Variants in COPE observed in about 807,000 individuals in gnomAD.
COPE encodes coatomer subunit epsilon.
In COPE, 19 loss-of-function variants were observed where a neutral mutation model predicts 42.1. That is an observed-to-expected ratio of 0.45 (90% CI 0.31 to 0.66). The LOEUF (loss-of-function observed/expected upper bound fraction) is 0.66, where lower values mean the gene tolerates loss of function less well. Among genes scored for constraint, COPE ranks in the 30% least tolerant of loss-of-function variants. The pLI, the probability that COPE is intolerant of heterozygous loss-of-function variation, is 0.05. For synonymous variants in COPE, 195 were observed against 181.3 expected, an observed-to-expected ratio of 1.08 and a Z score of -0.60; for missense variants, 402 against 416.1, an observed-to-expected ratio of 0.97 and a Z score of 0.30.
chr19:18,904,530 C>T (rs944740829), intron 6 of COPE, among the ~76,000 whole-genome samples: 1 of 152,262 alleles, frequency 6.6e-6, no homozygotes, highest in East Asian at 1.9e-4. Flanking sequence ...ACCCCTGTGC[C>T]TCAGGCTCAG....
chr19:18,899,803 T>C (rs1016547540), intron 9 of COPE, 70 bp downstream of exon 9: 15 of 1,608,316 alleles, frequency 9.3e-6, no homozygotes, highest in Non-Finnish European at 1.2e-5. Context: ...AGAGGGCGCA[T>C]GTGAGCCCAG....
chr19:18,911,191 G>T, intron 2 of COPE, 120 bp from the exon 3 acceptor site: 1 of 832,234 alleles, frequency 1.2e-6, no homozygotes, highest in Non-Finnish European at 2.0e-6. Context: ...CCTCAGCCCA[G>T]CATGGGCCAC....
intron 6 of COPE, among the ~76,000 whole-genome samples, chr19:18,904,456 C>T (rs551626791): frequency 2.6e-5 from 4 of 152,222 alleles, no homozygotes; most frequent in Admixed American, 2.6e-4. Flanking sequence ...AAAGCTGAGT[C>T]GCAGAAAACC....
chr19:18,913,236 G>A (rs2056827177), intron 1 of COPE, among the ~76,000 whole-genome samples, 190 bp from the exon 2 acceptor site: 1 of 152,172 alleles, frequency 6.6e-6, no homozygotes, highest in African/African-American at 2.4e-5. Context: ...CACGGGGGGT[G>A]CCTGATCTCA....
intron 1 of COPE, among the ~76,000 whole-genome samples, chr19:18,917,317 C>A (rs1172090988): frequency 1.3e-5 from 2 of 149,382 alleles, no homozygotes; most frequent in Non-Finnish European, 3.0e-5. Flanking sequence ...ACAAACACTG[C>A]CACTTTAAGT....
At chr19:18,900,076 T>C (rs2056682428) in intron 8 of COPE, 129 bp from the exon 9 acceptor site, 1 of 682,738 alleles carries the variant, frequency 1.5e-6, no homozygotes, top group Non-Finnish European at 2.4e-6. Context: ...GCCTTGGGAC[T>C]GGGCTGATCT....
chr19:18,899,563 T>C lies in COPE; in HGVS notation c.*116A>G. ...GATATTTATTAACAGATGGGGGTGC[T>C]GGGGGTGGGCTCCTGCCCCCAGAGG... On this transcript the variant is annotated 3_prime_UTR_variant, in exon 10 of 10. Transcript: ENST00000262812. 1.0e-6 allele frequency: 1 copy of C among 980,046 alleles called. No individual in the cohort carries two copies. The highest frequency in any genetic ancestry group is 1.6e-6 in the Non-Finnish European group (1 of 630,390). 60.7% of individuals were successfully genotyped at this position (980,046 alleles called of 1,614,324 possible).
intron 3 of COPE, among the ~76,000 whole-genome samples, chr19:18,908,985 A>G (rs2056786147): frequency 6.6e-6 from 1 of 152,172 alleles, no homozygotes; most frequent in African/African-American, 2.4e-5. Context: ...ACGACAGAGC[A>G]AGACCGTATC....
chr19:18,902,772 A>AGAAGGAAGGAAGGAAG, intron 7 of COPE, among the ~76,000 whole-genome samples: 1 of 31,954 alleles, frequency 3.1e-5, no homozygotes, highest in Admixed American at 4.5e-4. Flanking sequence ...AGGAAGGGAA[A>AGAAGGAAGGAAGGAAG]GAAGGAAGGA....
chr19:18,913,338 C>T (rs2056828048), intron 1 of COPE, among the ~76,000 whole-genome samples: 1 of 152,246 alleles, frequency 6.6e-6, no homozygotes. Flanking sequence ...GCACCCGCAC[C>T]TCTAACCTCT....
intron 3 of COPE, among the ~76,000 whole-genome samples, chr19:18,908,086 C>G (rs1299536776): frequency 6.6e-6 from 1 of 152,178 alleles, no homozygotes; most frequent in African/African-American, 2.4e-5. Context: ...TGTATAAACA[C>G]TGCCAGTTGT....
At chr19:18,918,883 C>G (rs958595204) in intron 1 of COPE, among the ~76,000 whole-genome samples, 1 of 152,140 alleles carries the variant, frequency 6.6e-6, no homozygotes, top group Non-Finnish European at 1.5e-5. Context: ...GGTTCTCATC[C>G]GTAAAATGAG....
intron 9 of COPE, 26 bp downstream of exon 9, chr19:18,899,847 G>C (rs367678498): frequency 1.9e-5 from 30 of 1,611,722 alleles, no homozygotes; most frequent in Non-Finnish European, 2.2e-5. Context: ...CCTGGTTCTC[G>C]GGGACAGGCC....
intron 6 of COPE, among the ~76,000 whole-genome samples, chr19:18,904,292 A>G (rs1047814405): frequency 6.6e-6 from 1 of 152,232 alleles, no homozygotes; most frequent in Non-Finnish European, 1.5e-5. Flanking sequence ...AGGCCCACAC[A>G]AAAGAGTGGC....
At chr19:18,906,399 G>A (rs1450718409) in intron 4 of COPE, among the ~76,000 whole-genome samples, 1 of 152,246 alleles carries the variant, frequency 6.6e-6, no homozygotes, top group Non-Finnish European at 1.5e-5. Context: ...TGGGATGGGA[G>A]CAGATCCACA....
At chr19:18,918,946 A>G (rs1040930434) in intron 1 of COPE, among the ~76,000 whole-genome samples, 2 of 152,262 alleles carry the variant, frequency 1.3e-5, no homozygotes, top group Non-Finnish European at 2.9e-5. Flanking sequence ...TGAACAAAAT[A>G]GGCTTATTGT....
At chr19:18,911,236 G>A (rs8111633) in intron 2 of COPE, 165 bp from the exon 3 acceptor site, 54,454 of 632,068 alleles carry the variant, frequency 0.086, 2,794 homozygotes, top group African/African-American at 0.18. Flanking sequence ...GTGGCATGGC[G>A]TCACCTGTCG....
At chr19:18,902,856 T>C (rs1268875686) in intron 7 of COPE, among the ~76,000 whole-genome samples, 1 of 148,450 alleles carries the variant, frequency 6.7e-6, no homozygotes, top group African/African-American at 2.5e-5. Flanking sequence ...AGGCAGGAGA[T>C]GACTGCAGCC....
intron 1 of COPE, among the ~76,000 whole-genome samples, chr19:18,918,311 A>T (rs2056876746): frequency 6.6e-6 from 1 of 151,916 alleles, no homozygotes; most frequent in Admixed American, 6.6e-5. Flanking sequence ...CCTCTGATAA[A>T]CTCTCCGACC....
Sources: allele counts gnomAD v4.1 joint callset (sites outside exome capture counted in the v4.1 genomes callset), GRCh38; gene constraint gnomAD v4.1.1; transcripts MANE v1.5; gene names NCBI Gene and HGNC (gene_info 2026-07-23, HGNC 2026-07-21).